FHIT: variants seen among roughly 807,000 people sequenced by gnomAD.
The protein encoded by FHIT is fragile histidine triad diadenosine triphosphatase.
Under a neutral mutation model 17.9 loss-of-function variants are expected in FHIT, and 19 were observed. The ratio of observed to expected loss-of-function variants is 1.06; its 90% CI spans 0.74 to 1.56. FHIT has a LOEUF of 1.56. FHIT is among the 40% of genes most tolerant of loss of function. FHIT has a pLI of 0.00. For missense variants in FHIT, 248 were observed against 189.2 expected, an observed-to-expected ratio of 1.31 and a Z score of -1.82; for synonymous variants, 81 against 69.7, an observed-to-expected ratio of 1.16 and a Z score of -0.81.
chr3:61,235,174 G>T (rs1322889624), intron 1 of FHIT, among the ~76,000 whole-genome samples: 1 of 152,086 alleles, frequency 6.6e-6, no homozygotes, highest in Non-Finnish European at 1.5e-5. Context: ...AGGCAGGTCT[G>T]ACCTTTTTGC....
chr3:60,624,903 T>TTTTG (rs3037236), intron 4 of FHIT, among the ~76,000 whole-genome samples: 89 of 150,042 alleles, frequency 5.9e-4, no homozygotes, highest in Middle Eastern at 6.8e-3. Flanking sequence ...TAGTTTTTTT[T>TTTTG]TTTGTTTGTT....
At chr3:60,011,790 T>A (rs1471523478) in intron 6 of FHIT, among the ~76,000 whole-genome samples, 3 of 152,216 alleles carry the variant, frequency 2.0e-5, no homozygotes, top group Non-Finnish European at 4.4e-5. Context: ...TCAGGAAATC[T>A]GCTATAAACA....
intron 8 of FHIT, among the ~76,000 whole-genome samples, chr3:59,880,511 C>G (rs1182640367): frequency 6.6e-6 from 1 of 152,188 alleles, no homozygotes; most frequent in Non-Finnish European, 1.5e-5. Flanking sequence ...ATCCTGGGCT[C>G]TGGGATACAG....
intron 4 of FHIT, among the ~76,000 whole-genome samples, chr3:60,566,778 A>G (rs2037151000): frequency 6.6e-6 from 1 of 151,800 alleles, no homozygotes; most frequent in Non-Finnish European, 1.5e-5. Flanking sequence ...ATACAAAATC[A>G]ATGTGCAAAA....
intron 4 of FHIT, among the ~76,000 whole-genome samples, chr3:60,556,479 G>C (rs2036743119): frequency 6.6e-6 from 1 of 152,194 alleles, no homozygotes; most frequent in African/African-American, 2.4e-5. Context: ...AGCATTGGTT[G>C]AATACTTCTA....
At chr3:59,920,629 C>T (rs1705357350) in intron 8 of FHIT, among the ~76,000 whole-genome samples, 3 of 152,200 alleles carry the variant, frequency 2.0e-5, no homozygotes, top group Admixed American at 6.5e-5. Flanking sequence ...TGTTTTCAAG[C>T]ACTTTTATGC....
chr3:60,513,446 G>A (rs1461353689), intron 5 of FHIT, among the ~76,000 whole-genome samples: 1 of 152,096 alleles, frequency 6.6e-6, no homozygotes, highest in African/African-American at 2.4e-5. Flanking sequence ...CAGAAACAGT[G>A]GTCCAAATAA....
At chr3:61,190,122 G>T (rs1207997854) in intron 2 of FHIT, among the ~76,000 whole-genome samples, 3 of 152,108 alleles carry the variant, frequency 2.0e-5, no homozygotes, top group Non-Finnish European at 4.4e-5. Flanking sequence ...CACAGCAAAA[G>T]AAACTACCAT....
At chr3:60,310,814 G>A (rs76016854) in intron 5 of FHIT, among the ~76,000 whole-genome samples, 3,165 of 152,196 alleles carry the variant, frequency 0.021, 45 homozygotes, top group Middle Eastern at 0.034. Context: ...GAGTACAGGG[G>A]ACAACTGTGT....
At chr3:60,690,465 G>T in intron 4 of FHIT, 1 of 573,566 alleles carries the variant, frequency 1.7e-6, no homozygotes, top group Non-Finnish European at 3.5e-6. Context: ...TGAAGTTCTC[G>T]TCATCAAATT....
In FHIT at chr3:60,860,761, GAT is replaced by G. The variant is rs1553751902; in HGVS notation, c.-110-38752_-110-38751del. On this transcript the variant is annotated intron_variant, in intron 3 of 9. Transcript: ENST00000492590. Reference sequence around the variant, plus strand: ...ATGTTCATATATATCAGGTATATATGATACATATGTATCATATATCAGGTATA... The same window carrying G: ...ATGTTCATATATATCAGGTATATATGACATATGTATCATATATCAGGTATA... 5.2e-3 allele frequency among the ~76,000 whole-genome samples: 37 copies of G among 7,052 alleles called. 9 individuals are homozygous for G. In the East Asian group the frequency reaches 0.1, roughly 20 times the overall value. The allele number at this position is 7,052 out of a possible 152,430, so 4.6% of individuals were successfully genotyped here.
chr3:60,985,196 G>A (rs1710667736), intron 3 of FHIT, among the ~76,000 whole-genome samples: 1 of 152,082 alleles, frequency 6.6e-6, no homozygotes, highest in Admixed American at 6.5e-5. Context: ...ATGCCATACT[G>A]TTGCTATAAT....
At chr3:61,007,360 A>G (rs2031520740) in intron 3 of FHIT, among the ~76,000 whole-genome samples, 1 of 152,162 alleles carries the variant, frequency 6.6e-6, no homozygotes, top group Non-Finnish European at 1.5e-5. Context: ...TGCCATGTTT[A>G]ATTACCTTTA....
chr3:60,788,260 C>A (rs1700652879), intron 4 of FHIT, among the ~76,000 whole-genome samples: 1 of 151,950 alleles, frequency 6.6e-6, no homozygotes, highest in African/African-American at 2.4e-5. Flanking sequence ...CACTGCACTC[C>A]AGCCTGGGCA....
intron 4 of FHIT, among the ~76,000 whole-genome samples, chr3:60,716,724 G>A (rs1331664109): frequency 1.3e-5 from 2 of 152,192 alleles, no homozygotes; most frequent in African/African-American, 2.4e-5. Context: ...ATTATGTACT[G>A]TATGTAATTG....
At chr3:60,607,769 T>C (rs1270862592) in intron 4 of FHIT, among the ~76,000 whole-genome samples, 1 of 152,160 alleles carries the variant, frequency 6.6e-6, no homozygotes, top group African/African-American at 2.4e-5. Flanking sequence ...TACATACATA[T>C]ACATATATAC....
intron 4 of FHIT, among the ~76,000 whole-genome samples, chr3:60,689,036 T>C (rs1281854993): frequency 6.6e-6 from 1 of 152,066 alleles, no homozygotes; most frequent in Non-Finnish European, 1.5e-5. Flanking sequence ...TGGAAGACAA[T>C]TGAATCATGG....
intron 3 of FHIT, among the ~76,000 whole-genome samples, chr3:60,975,317 T>C (rs1280685767): frequency 6.6e-6 from 1 of 152,112 alleles, no homozygotes; most frequent in Admixed American, 6.6e-5. Flanking sequence ...TTAAGGTGAG[T>C]CATGGTAACT....
At chr3:59,812,463 T>A (rs1336183672) in intron 8 of FHIT, among the ~76,000 whole-genome samples, 1 of 152,162 alleles carries the variant, frequency 6.6e-6, no homozygotes, top group Non-Finnish European at 1.5e-5. Flanking sequence ...ATTTTTATGT[T>A]GCAGCTAAGG....
Sources: gnomAD v4.1 joint callset for allele counts (sites outside exome capture counted in the v4.1 genomes callset) on GRCh38, gnomAD v4.1.1 for gene constraint, MANE v1.5 for transcripts, NCBI Gene and HGNC (gene_info 2026-07-23, HGNC 2026-07-21) for gene names.